The following SYNPR variants were observed in gnomAD, a reference collection of about 807,000 sequenced individuals.
The protein encoded by SYNPR is synaptoporin.
SYNPR carries 23 observed loss-of-function variants against 32.9 expected under a neutral mutation model. That is an observed-to-expected ratio of 0.70 (90% CI 0.50 to 0.99). The LOEUF (loss-of-function observed/expected upper bound fraction) is 0.99. Among genes scored for constraint, SYNPR ranks in the 50% least tolerant of loss-of-function variants. The pLI is 0.00. For synonymous variants in SYNPR, 146 were observed against 135.9 expected (o/e 1.07, Z -0.52); for missense variants, 318 against 349.3 (o/e 0.91, Z 0.71).
At chr3:63,609,869 C>T (rs1251564726) in intron 5 of SYNPR, among the ~76,000 whole-genome samples, 1 of 152,112 alleles carries the variant, frequency 6.6e-6, no homozygotes, top group African/African-American at 2.4e-5. Context: ...AAGATCAGGC[C>T]ACTGCACCCC....
intron 2 of SYNPR, among the ~76,000 whole-genome samples, chr3:63,308,155 TTTTG>T (rs2086927035): frequency 6.6e-6 from 1 of 152,072 alleles, no homozygotes; most frequent in African/African-American, 2.4e-5. Context: ...CTTAACTATT[TTTTG>T]TTTGTTTGCT....
In SYNPR at chr3:63,461,382, A is replaced by G. The variant is rs138163366; in HGVS notation, c.85-19450A>G. Among the ~76,000 whole-genome samples, 5 of 152,256 alleles carry G rather than the reference A, an allele frequency of 3.3e-5. No homozygotes were observed. In the East Asian group the frequency reaches 9.7e-4, roughly 29 times the overall value. On this transcript the variant is annotated intron_variant, in intron 2 of 5. Coordinates refer to ENST00000478300, the MANE Select transcript of SYNPR (RefSeq NM_001130003.2). ...TTTGTCTACCAGTTCTTTCCAGGAA[A>G]CGTAAACACATAAATGAATCAAAGT...
intron 2 of SYNPR, among the ~76,000 whole-genome samples, chr3:63,354,298 G>A (rs2087546790): frequency 6.6e-6 from 1 of 152,178 alleles, no homozygotes; most frequent in Non-Finnish European, 1.5e-5. Flanking sequence ...CCTAACTGCA[G>A]GGTAAGGGTT....
intron 3 of SYNPR, among the ~76,000 whole-genome samples, chr3:63,519,508 G>A (rs778061527): frequency 2.0e-5 from 3 of 152,304 alleles, no homozygotes; most frequent in Non-Finnish European, 4.4e-5. Flanking sequence ...GCTCCTTGTT[G>A]CCTCAGCTCA....
the SYNPR span, among the ~76,000 whole-genome samples, chr3:63,204,368 T>A: frequency 6.6e-6 from 1 of 152,188 alleles, no homozygotes; most frequent in Non-Finnish European, 1.5e-5. Flanking sequence ...TACATCTTCA[T>A]GTGGCCATAT....
At chr3:63,562,525 A>T (rs950540199) in intron 4 of SYNPR, among the ~76,000 whole-genome samples, 1 of 152,228 alleles carries the variant, frequency 6.6e-6, no homozygotes, top group Non-Finnish European at 1.5e-5. Context: ...TTATGGGACC[A>T]GGAGTGTTTA....
intron 2 of SYNPR, among the ~76,000 whole-genome samples, chr3:63,364,419 C>T (rs1407952287): frequency 6.6e-6 from 1 of 152,078 alleles, no homozygotes; most frequent in African/African-American, 2.4e-5. Flanking sequence ...TGCTTATGAG[C>T]TCATGGAGAA....
chr3:63,341,122 A>G (rs1325299622), intron 2 of SYNPR, among the ~76,000 whole-genome samples: 1 of 152,184 alleles, frequency 6.6e-6, no homozygotes, highest in Admixed American at 6.5e-5. Context: ...AATGTCATAT[A>G]TTTGAAATCA....
chr3:63,378,105 G>C (rs907317324), intron 2 of SYNPR, among the ~76,000 whole-genome samples: 1 of 151,332 alleles, frequency 6.6e-6, no homozygotes, highest in African/African-American at 2.4e-5. Context: ...TAAATTATAG[G>C]TATTTAGTAT....
intron 2 of SYNPR, among the ~76,000 whole-genome samples, chr3:63,384,509 A>C (rs2088016199): frequency 6.6e-6 from 1 of 152,186 alleles, no homozygotes; most frequent in Non-Finnish European, 1.5e-5. Context: ...GGTCAGTCTC[A>C]GGAACAAGCC....
At chr3:63,614,918 C>T (rs547289725) in intron 5 of SYNPR, among the ~76,000 whole-genome samples, 122 of 152,300 alleles carry the variant, frequency 8.0e-4, no homozygotes, top group Non-Finnish European at 9.4e-4. Context: ...CAGCAAGCCA[C>T]GCGACCTTAG....
At chr3:63,566,760 C>A (rs1251068158) in intron 4 of SYNPR, among the ~76,000 whole-genome samples, 1 of 152,122 alleles carries the variant, frequency 6.6e-6, no homozygotes, top group Non-Finnish European at 1.5e-5. Flanking sequence ...AAGAGACTAA[C>A]GTTTCCTAAT....
At chr3:63,552,236 T>A (rs1702516260) in intron 3 of SYNPR, among the ~76,000 whole-genome samples, 1 of 152,172 alleles carries the variant, frequency 6.6e-6, no homozygotes, top group Non-Finnish European at 1.5e-5. Context: ...TTGTTGAAAG[T>A]GTATTAAGTC....
intron 2 of SYNPR, among the ~76,000 whole-genome samples, chr3:63,412,378 C>A (rs1340217734): frequency 6.6e-6 from 1 of 152,094 alleles, no homozygotes; most frequent in Non-Finnish European, 1.5e-5. Context: ...CTGAGCAAAT[C>A]CAGACTCAAG....
At chr3:63,402,030 C>T (rs2088299347) in intron 2 of SYNPR, among the ~76,000 whole-genome samples, 1 of 151,438 alleles carries the variant, frequency 6.6e-6, no homozygotes, top group Non-Finnish European at 1.5e-5. Context: ...CAAATAGGCC[C>T]CTGCTGTTCA....
chr3:63,591,860 T>G (rs1699834123), intron 4 of SYNPR, among the ~76,000 whole-genome samples: 1 of 144,140 alleles, frequency 6.9e-6, no homozygotes, highest in South Asian at 2.4e-4. Context: ...TAATGCTAGA[T>G]GACGCGTTAG....
At chr3:63,442,503 C>T (rs1346366076) in intron 2 of SYNPR, among the ~76,000 whole-genome samples, 1 of 152,120 alleles carries the variant, frequency 6.6e-6, no homozygotes, top group Non-Finnish European at 1.5e-5. Context: ...GGCAGCCTCT[C>T]CAAGAATTTG....
chr3:63,387,724 A>T (rs1251612701), intron 2 of SYNPR, among the ~76,000 whole-genome samples: 2 of 152,184 alleles, frequency 1.3e-5, no homozygotes, highest in Non-Finnish European at 2.9e-5. Context: ...AGTGAGGGAA[A>T]TAGCAAGAAA....
At position 63,375,805 on chromosome 3, in the gene SYNPR, T is replaced by A. The variant is rs151182136; in HGVS notation, c.84+97063T>A. Among the ~76,000 whole-genome samples, 307 of 152,318 alleles carry A rather than the reference T, an allele frequency of 2.0e-3. 4 individuals are homozygous for A. The highest frequency in any genetic ancestry group is 3.4e-3 in the Non-Finnish European group (234 of 68,030). ...TCTAGATGTCAGTGTGTCCAAAATGTCTATCTCTGTCCTTTACTTGCCCTT... is the reference window on the plus strand; with the variant it reads ...TCTAGATGTCAGTGTGTCCAAAATGACTATCTCTGTCCTTTACTTGCCCTT... On this transcript the variant is annotated intron_variant, in intron 2 of 5. Coordinates refer to ENST00000478300, the MANE Select transcript of SYNPR (RefSeq NM_001130003.2).
Sources: gnomAD v4.1 joint callset for allele counts (sites outside exome capture counted in the v4.1 genomes callset) on GRCh38, gnomAD v4.1.1 for gene constraint, MANE v1.5 for transcripts, NCBI Gene and HGNC (gene_info 2026-07-23, HGNC 2026-07-21) for gene names.